The following PDZRN3 variants were observed in gnomAD, a reference collection of about 807,000 sequenced individuals.
PDZRN3 encodes PDZ domain containing ring finger 3.
PDZRN3 carries 38 observed loss-of-function variants against 85.7 expected under a neutral mutation model. The ratio of observed to expected loss-of-function variants is 0.44; its 90% confidence interval spans 0.34 to 0.58. The LOEUF (loss-of-function observed/expected upper bound fraction) is 0.58. Ranked by LOEUF, PDZRN3 falls within the 20% of genes least tolerant of loss-of-function variation. PDZRN3 has a pLI of 0.01. For synonymous variants in PDZRN3, 759 were observed against 638.0 expected (o/e 1.19, Z -2.86); for missense variants, 1,629 against 1,506.4 (o/e 1.08, Z -1.35).
chr3:73,591,894 C>T (rs1702362138), intron 3 of PDZRN3, among the ~76,000 whole-genome samples: 1 of 152,114 alleles, frequency 6.6e-6, no homozygotes. Context: ...AAACATAGGT[C>T]TCACATGTAA....
At chr3:73,402,940 G>GTTTTTTTTTTTT (rs1559658874) in intron 4 of PDZRN3, among the ~76,000 whole-genome samples, 13 of 108,418 alleles carry the variant, frequency 1.2e-4, no homozygotes, top group Admixed American at 1.9e-4. Flanking sequence ...CACATGAAAA[G>GTTTTTTTTTTTT]CTTTTTTTTT....
At chr3:73,564,494 G>A (rs1042276735) in intron 3 of PDZRN3, among the ~76,000 whole-genome samples, 6 of 152,038 alleles carry the variant, frequency 3.9e-5, no homozygotes, top group African/African-American at 1.2e-4. Context: ...GCTCAACTCC[G>A]TTCCTTGAGG....
intron 3 of PDZRN3, among the ~76,000 whole-genome samples, chr3:73,598,111 C>T (rs534209067): frequency 6.6e-6 from 1 of 152,200 alleles, no homozygotes; most frequent in East Asian, 1.9e-4. Flanking sequence ...CCAGAGTCCA[C>T]AGAGAAAGGT....
At chr3:73,612,232 C>T (rs1407306951) in intron 1 of PDZRN3, among the ~76,000 whole-genome samples, 1 of 152,132 alleles carries the variant, frequency 6.6e-6, no homozygotes, top group Non-Finnish European at 1.5e-5. Flanking sequence ...AACTGAGGCT[C>T]AGGGAAAATC....
rs540317254 is a variant in PDZRN3, at chr3:73,501,962, C to CTGAGATCGCA, written c.919-97577_919-97568dup. Among the ~76,000 whole-genome samples the CTGAGATCGCA allele has an allele frequency of 1.2e-3, 177 of 152,280 alleles. 2 individuals carry two copies. The highest frequency in any genetic ancestry group is 4.1e-3 in the African/African-American group (170 of 41,550). On this transcript the variant is annotated intron_variant, in intron 3 of 9. Transcript: ENST00000263666. ...ACCTGGGAGGCGGAGATGCAGTGAG[C>CTGAGATCGCA]TGAGATCGCATCACTGCACTCCAGC...
intron 1 of PDZRN3, among the ~76,000 whole-genome samples, chr3:73,622,426 G>A (rs574387076): frequency 7.9e-5 from 12 of 152,340 alleles, no homozygotes; most frequent in African/African-American, 2.9e-4. Flanking sequence ...ACCATCTGGA[G>A]CAGGCAACCA....
At chr3:73,397,571 A>C (rs915137675) in intron 5 of PDZRN3, among the ~76,000 whole-genome samples, 1 of 152,196 alleles carries the variant, frequency 6.6e-6, no homozygotes, top group Non-Finnish European at 1.5e-5. Flanking sequence ...TCTTGAACTG[A>C]CTGACCAGAG....
In PDZRN3 at chr3:73,404,372, T is replaced by C; in HGVS notation, c.942A>G (p.Arg314=). 1 of 1,613,968 alleles carries C rather than the reference T, an allele frequency of 6.2e-7. No homozygotes were observed. Among genetic ancestry groups the C allele is most frequent in the Non-Finnish European group, 8.5e-7 (1 of 1,179,934 alleles). Residue 314 remains arginine, a synonymous_variant, in exon 4 of 10, where the codon AGA becomes AGG. Transcript: ENST00000263666. ...CTTCCACAGCCTGGTCATGAGTTGCTCTGGATAAGTCTCTGCCGTTGACCT... is the reference window on the plus strand; with the variant it reads ...CTTCCACAGCCTGGTCATGAGTTGCCCTGGATAAGTCTCTGCCGTTGACCT... The part of the protein sequence containing the change: ...IIEVNGRDLS[R]ATHDQAVEAF...
intron 1 of PDZRN3, among the ~76,000 whole-genome samples, chr3:73,612,745 C>T (rs993274481): frequency 2.0e-5 from 3 of 152,152 alleles, no homozygotes; most frequent in Admixed American, 6.5e-5. Flanking sequence ...CAGATTGGCG[C>T]AACATCAGAG....
chr3:73,534,451 C>T (rs1704730296), intron 3 of PDZRN3, among the ~76,000 whole-genome samples: 1 of 152,236 alleles, frequency 6.6e-6, no homozygotes, highest in Admixed American at 6.5e-5. Flanking sequence ...ACAGCTAGTG[C>T]ATCTCATTTT....
intron 3 of PDZRN3, among the ~76,000 whole-genome samples, chr3:73,511,185 C>A (rs148831605): frequency 6.6e-6 from 1 of 152,004 alleles, no homozygotes; most frequent in Non-Finnish European, 1.5e-5. Flanking sequence ...CCCTCTCTTA[C>A]CCCCAGTAAA....
chr3:73,438,380 A>G lies in PDZRN3; in HGVS notation c.919-33985T>C, dbSNP rs141839709. On this transcript the variant is annotated intron_variant, in intron 3 of 9. Coordinates refer to ENST00000263666, the MANE Select transcript of PDZRN3 (RefSeq NM_015009.3). The stretch of plus-strand genomic sequence containing the variant: ...TATCTAATTCAAGCATATTATTTTC[A>G]GCATACTGATTGGATTGTCTATTTG... Among the ~76,000 whole-genome samples, 4 of 152,364 alleles carry G rather than the reference A, an allele frequency of 2.6e-5. No individual in the cohort carries two copies. The East Asian group carries it at 7.7e-4, about 29-fold the overall frequency.
intron 3 of PDZRN3, among the ~76,000 whole-genome samples, chr3:73,489,477 T>A (rs548002123): frequency 1.3e-5 from 2 of 151,696 alleles, no homozygotes; most frequent in Non-Finnish European, 2.9e-5. Flanking sequence ...TAGTGTAAGA[T>A]AGTGAGAAGT....
At chr3:73,425,577 A>G (rs1362857536) in intron 3 of PDZRN3, among the ~76,000 whole-genome samples, 1 of 147,986 alleles carries the variant, frequency 6.8e-6, no homozygotes, top group African/African-American at 2.5e-5. Context: ...TGACAAGCTG[A>G]ACACCAAAGA....
At chr3:73,578,013 C>A (rs545089374) in intron 3 of PDZRN3, among the ~76,000 whole-genome samples, 3 of 152,214 alleles carry the variant, frequency 2.0e-5, no homozygotes, top group Non-Finnish European at 4.4e-5. Context: ...ATTTACCATC[C>A]GGCCCTTTAC....
rs76397190 is a variant in PDZRN3, at chr3:73,445,354, T to C, written c.919-40959A>G. Among the ~76,000 whole-genome samples the C allele has an allele frequency of 3.3e-3, 503 of 152,258 alleles. 1 individual carries two copies. Among genetic ancestry groups the C allele is most frequent in the African/African-American group, 0.012 (485 of 41,524 alleles). The stretch of plus-strand genomic sequence containing the variant: ...GAGGCTAGGAGAAGCAGGAGTTGGA[T>C]GGATAACTTAGGCACTAAAGGGAAG... On this transcript the variant is annotated intron_variant, in intron 3 of 9. Transcript: ENST00000263666.
rs13088642 is a variant in PDZRN3 at position 73,624,594 on chromosome 3, G to A, written c.232C>T (p.Leu78=). 6.4e-7 allele frequency: 1 copy of A among 1,556,290 alleles called. No homozygotes were observed. Among genetic ancestry groups the A allele is most frequent in the Non-Finnish European group, 8.7e-7 (1 of 1,155,288 alleles). ...VLPLKRLILK[L]DIKCAYATRG... ...GTCGCGTACGCGCACTTGATGTCCA[G>A]CTTGAGGATAAGGCGCTTGAGCGGC... is the stretch of plus-strand genomic sequence containing the variant. The change falls in exon 1 of 10, where the codon CTG becomes TTG. Residue 78 remains leucine (L), a synonymous_variant. Transcript: ENST00000263666.
At chr3:73,555,421 T>C (rs1174409772) in intron 3 of PDZRN3, among the ~76,000 whole-genome samples, 2 of 152,254 alleles carry the variant, frequency 1.3e-5, no homozygotes, top group Admixed American at 6.5e-5. Flanking sequence ...GGGAGAATCC[T>C]AATTTGCAGA....
chr3:73,497,429 A>G (rs1265521441), intron 3 of PDZRN3, among the ~76,000 whole-genome samples: 1 of 152,254 alleles, frequency 6.6e-6, no homozygotes, highest in African/African-American at 2.4e-5. Context: ...TAACTTTTTT[A>G]CTAATCAAAA....
Sources: allele counts gnomAD v4.1 joint callset (sites outside exome capture counted in the v4.1 genomes callset), GRCh38; gene constraint gnomAD v4.1.1; transcripts MANE v1.5; gene names NCBI Gene and HGNC (gene_info 2026-07-23, HGNC 2026-07-21).